The following CSMD1 variants were observed in gnomAD, a reference collection of about 807,000 sequenced individuals.
CSMD1 encodes the protein CUB and sushi domain-containing protein 1.
A neutral mutation model predicts 417.5 loss-of-function variants in CSMD1; 213 were observed. The observed-to-expected ratio is 0.51, with a 90% confidence interval of 0.46 to 0.57. CSMD1 has a LOEUF of 0.57. Ranked by LOEUF, CSMD1 falls within the 20% of genes least tolerant of loss-of-function variation. The pLI is 0.00. For missense variants in CSMD1, 6,923 were observed against 4,529.7 expected (o/e 1.53, Z -15.17); for synonymous variants, 2,862 against 1,736.8 (o/e 1.65, Z -16.11).
chr8:3,299,891 C>T (rs1804258471), intron 25 of CSMD1, among the ~76,000 whole-genome samples: 1 of 152,154 alleles, frequency 6.6e-6, no homozygotes, highest in Non-Finnish European at 1.5e-5. Context: ...CTATGTACTG[C>T]TGGTGGTATA....
Position 3,878,425 on chromosome 8 carries a change from C to T in CSMD1, c.818+119478G>A, listed in dbSNP as rs998100096. Among the ~76,000 whole-genome samples the T allele has an allele frequency of 1.6e-4, 24 of 152,226 alleles. No homozygotes were observed. In the East Asian group the frequency reaches 3.1e-3, roughly 20 times the overall value. ...TCCCACATTATAACAATAATATCAACAATGATACCAGTCTTGCCTTTCCAG... is the reference window on the plus strand; with the variant it reads ...TCCCACATTATAACAATAATATCAATAATGATACCAGTCTTGCCTTTCCAG... On this transcript the variant is annotated intron_variant, in intron 5 of 69. Transcript: ENST00000635120.
chr8:3,779,026 T>A (rs34402072), intron 5 of CSMD1, among the ~76,000 whole-genome samples: 2 of 152,098 alleles, frequency 1.3e-5, no homozygotes, highest in South Asian at 2.1e-4. Flanking sequence ...ACCAGAATAT[T>A]TGCATGATCA....
chr8:4,582,610 G>C (rs748276430), intron 2 of CSMD1, among the ~76,000 whole-genome samples: 2 of 152,200 alleles, frequency 1.3e-5, no homozygotes, highest in South Asian at 4.1e-4. Context: ...CTACACATTA[G>C]CAAGGATGCA....
At chr8:4,890,052 G>A (rs919635038) in intron 1 of CSMD1, among the ~76,000 whole-genome samples, 1 of 152,072 alleles carries the variant, frequency 6.6e-6, no homozygotes, top group Non-Finnish European at 1.5e-5. Context: ...AAAGGTAAAG[G>A]TGCTAAAACT....
intron 8 of CSMD1, among the ~76,000 whole-genome samples, chr8:3,606,056 T>C (rs535987498): frequency 1.6e-4 from 25 of 152,256 alleles, no homozygotes; most frequent in African/African-American, 5.1e-4. Flanking sequence ...AATGAGATGA[T>C]AGTAACATAA....
At chr8:3,881,785 A>G (rs1275842367) in intron 5 of CSMD1, among the ~76,000 whole-genome samples, 1 of 152,172 alleles carries the variant, frequency 6.6e-6, no homozygotes, top group Non-Finnish European at 1.5e-5. Flanking sequence ...TGGTCGATGC[A>G]AGGAAAGACA....
At chr8:4,441,003 A>C (rs962503649) in intron 2 of CSMD1, among the ~76,000 whole-genome samples, 62 of 151,502 alleles carry the variant, frequency 4.1e-4, no homozygotes, top group Non-Finnish European at 8.5e-4. Context: ...TCTCAAAAAA[A>C]AAAAATTAAA....
chr8:3,709,490 G>A (rs1406829248), intron 6 of CSMD1, among the ~76,000 whole-genome samples: 1 of 151,958 alleles, frequency 6.6e-6, no homozygotes, highest in Non-Finnish European at 1.5e-5. Context: ...AGGAGATTCT[G>A]GGGGTGTCTG....
At chr8:4,224,415 T>C (rs540578360) in intron 3 of CSMD1, among the ~76,000 whole-genome samples, 4 of 152,304 alleles carry the variant, frequency 2.6e-5, no homozygotes, top group African/African-American at 9.6e-5. Context: ...CATATTTAAA[T>C]ACACCTAGGA....
chr8:3,874,391 G>A (rs575808603), intron 5 of CSMD1, among the ~76,000 whole-genome samples: 2 of 152,268 alleles, frequency 1.3e-5, no homozygotes, highest in East Asian at 1.9e-4. Flanking sequence ...ACTTTTCAGT[G>A]ACTCCTACAG....
At chr8:4,162,216 T>G (rs1319218058) in intron 3 of CSMD1, among the ~76,000 whole-genome samples, 1 of 152,228 alleles carries the variant, frequency 6.6e-6, no homozygotes, top group Non-Finnish European at 1.5e-5. Context: ...GTCTTTTAAT[T>G]GTTATGTTAC....
intron 3 of CSMD1, among the ~76,000 whole-genome samples, chr8:4,334,741 T>C (rs1456456383): frequency 6.6e-6 from 1 of 152,188 alleles, no homozygotes; most frequent in African/African-American, 2.4e-5. Context: ...ACTTGAACGA[T>C]ACGCTCGACT....
At chr8:4,008,742 C>A (rs1010698301) in intron 4 of CSMD1, among the ~76,000 whole-genome samples, 3 of 150,984 alleles carry the variant, frequency 2.0e-5, no homozygotes. Flanking sequence ...TCCTGAGTAG[C>A]TGGGAATACA....
chr8:4,987,453 A>G (rs1182477313), intron 1 of CSMD1, among the ~76,000 whole-genome samples: 1 of 152,232 alleles, frequency 6.6e-6, no homozygotes. Flanking sequence ...TTCATGGTTT[A>G]TAATTATCTG....
intron 18 of CSMD1, among the ~76,000 whole-genome samples, chr8:3,384,790 T>TATATGCTATTTATATAATATATATA (rs1554533504): frequency 7.6e-5 from 9 of 118,694 alleles, no homozygotes; most frequent in Non-Finnish European, 1.3e-4. Context: ...TAATATATAT[T>TATATGCTATTTATATAATATATATA]AATATATGCT....
intron 1 of CSMD1, among the ~76,000 whole-genome samples, chr8:4,760,169 C>T (rs553233380): frequency 6.6e-6 from 1 of 152,302 alleles, no homozygotes; most frequent in South Asian, 2.1e-4. Flanking sequence ...TCATAGGCTG[C>T]AACATCAGTG....
intron 10 of CSMD1, among the ~76,000 whole-genome samples, chr8:3,557,001 C>T (rs1799185837): frequency 1.3e-5 from 2 of 152,146 alleles, no homozygotes; most frequent in Admixed American, 1.3e-4. Flanking sequence ...TTTGCAGTAT[C>T]CTCTTTGTAA....
chr8:4,698,595 G>GA (rs1244039508), intron 1 of CSMD1, among the ~76,000 whole-genome samples: 7 of 87,586 alleles, frequency 8.0e-5, no homozygotes, highest in Admixed American at 1.4e-4. Context: ...GGAAATGATA[G>GA]AAATTTTTTT....
chr8:4,840,496 G>C (rs1236219908), intron 1 of CSMD1, among the ~76,000 whole-genome samples: 1 of 152,172 alleles, frequency 6.6e-6, no homozygotes, highest in South Asian at 2.1e-4. Context: ...ATTCGATGAA[G>C]TAAATTAAGT....
Sources: gnomAD v4.1 joint callset for allele counts (sites outside exome capture counted in the v4.1 genomes callset) on GRCh38, gnomAD v4.1.1 for gene constraint, MANE v1.5 for transcripts, NCBI Gene and HGNC (gene_info 2026-07-23, HGNC 2026-07-21) for gene names.